Variants in PRAMEF4 observed in about 807,000 individuals in gnomAD.
PRAMEF4 encodes the protein PRAME family member 4.
A neutral mutation model predicts 34.4 loss-of-function variants in PRAMEF4; 18 were observed. That is an observed-to-expected ratio of 0.52 (90% CI 0.36 to 0.78). PRAMEF4 has a LOEUF of 0.78. Among genes scored for constraint, PRAMEF4 ranks in the 30% least tolerant of loss-of-function variants. PRAMEF4 has a pLI of 0.00. For synonymous variants in PRAMEF4, 156 were observed against 219.3 expected (o/e 0.71, Z 2.55); for missense variants, 482 against 569.1 (o/e 0.85, Z 1.56).
Position 12,883,297 on chromosome 1 carries a change from A to G in PRAMEF4, c.98T>C (p.Leu33Pro), listed in dbSNP as rs148417398. The G allele has an allele frequency of 8.8e-6, 14 of 1,599,710 alleles. 1 individual carries two copies. Among genetic ancestry groups the G allele is most frequent in the Non-Finnish European group, 1.1e-5 (13 of 1,173,290 alleles). The change falls in exon 2 of 4, where the codon CTG (leucine) becomes CCG (proline). Residue 33 changes from leucine (L) to proline (P), a missense_variant. By Grantham distance (98) the Leu-to-Pro change is moderately conservative. Transcript: ENST00000235349. ...CAGTGGGGGGAAAAGTTCTGTGGGC[A>G]GCTCCTCCAGGGTGGACATGGCCAA... Reference protein sequence around the residue: ...QALAMSTLEELPTELFPPLFM... With the variant: ...QALAMSTLEEPPTELFPPLFM...
chr1:12,880,824 A>G lies in PRAMEF4; in HGVS notation c.876-719T>C, dbSNP rs982116345. ...CCCTGACATGCCTGTATCATCAGCA[A>G]ACCATCTATCACTTTCACCATTCTT... is the stretch of plus-strand genomic sequence containing the variant. On this transcript the variant is annotated intron_variant, in intron 3 of 3. Transcript: ENST00000235349. Among the ~76,000 whole-genome samples the G allele has an allele frequency of 2.9e-4, 42 of 146,008 alleles. 2 individuals carry two copies. Among genetic ancestry groups the G allele is most frequent in the Non-Finnish European group, 1.2e-4 (8 of 66,634 alleles).
Position 12,884,118 on chromosome 1 carries a change from C to A in PRAMEF4, c.-16-708G>T, listed in dbSNP as rs1191234095. Among the ~76,000 whole-genome samples, 3 of 145,858 alleles carry A rather than the reference C, an allele frequency of 2.1e-5. No individual in the cohort carries two copies. In the South Asian group the frequency reaches 6.7e-4, roughly 32 times the overall value. On this transcript the variant is annotated intron_variant, in intron 1 of 3. Coordinates refer to ENST00000235349, the MANE Select transcript of PRAMEF4 (RefSeq NM_001009611.4). Reference sequence around the variant, plus strand: ...TGACCTCCCAGCTCAAAGGATTCTTCCTCCTCAGCCTCCCAAGTAGCTCGG... The same window carrying A: ...TGACCTCCCAGCTCAAAGGATTCTTACTCCTCAGCCTCCCAAGTAGCTCGG...
At chr1:12,882,502 G>C in intron 2 of PRAMEF4, 67 bp from the exon 3 acceptor site, 1 of 1,563,980 alleles carries the variant, frequency 6.4e-7, no homozygotes, top group South Asian at 1.1e-5. Context: ...TCCACATCCT[G>C]GATAGCAGCT....
In PRAMEF4 at chr1:12,883,012, C is replaced by G; in HGVS notation, c.293+90G>C. ...CTCTCGGCTTCCTCACCACCACCAT[C>G]CCCCTTGGGCCTCCTCACTTCTCAC... On this transcript the variant is annotated intron_variant, in intron 2 of 3. Transcript: ENST00000235349. 3.1e-5 allele frequency: 48 copies of G among 1,546,754 alleles called. 2 individuals are homozygous for G. The highest frequency in any genetic ancestry group is 4.0e-5 in the Non-Finnish European group (46 of 1,138,686).
At chr1:12,884,261 C>A (rs1241875493) in intron 1 of PRAMEF4, among the ~76,000 whole-genome samples, 2 of 148,612 alleles carry the variant, frequency 1.3e-5, no homozygotes, top group African/African-American at 5.0e-5. Context: ...AAGCAATCTA[C>A]CCCTCTTGGC....
intron 3 of PRAMEF4, among the ~76,000 whole-genome samples, chr1:12,880,573 A>T (rs1640868713): frequency 6.7e-6 from 1 of 148,944 alleles, no homozygotes; most frequent in South Asian, 2.2e-4. Context: ...GAGACTCTGT[A>T]TTAAAAAAAA....
chr1:12,880,575 T>TAAA (rs1216641454), intron 3 of PRAMEF4, among the ~76,000 whole-genome samples: 1 of 136,638 alleles, frequency 7.3e-6, no homozygotes, highest in African/African-American at 2.7e-5. Context: ...GACTCTGTAT[T>TAAA]AAAAAAAAAA....
rs757660416 is a variant in PRAMEF4 at position 12,882,012 on chromosome 1, G to A, written c.717C>T (p.Leu239=). 4 of 1,591,440 alleles carry A rather than the reference G, an allele frequency of 2.5e-6. No homozygotes were observed. In the African/African-American group the frequency reaches 5.6e-5, roughly 22 times the overall value. The change falls in exon 3 of 4, where the codon CTC becomes CTT. Residue 239 remains leucine, a synonymous_variant. Transcript: ENST00000235349. ...YLGHMRNLQK[L]ILSHMDVSRY... ...GAGAGACATCCATGTGGGAGAGAAT[G>A]AGTTTCTGAAGATTCCTCATGTGGC...
chr1:12,884,392 C>T (rs1443287850), intron 1 of PRAMEF4, among the ~76,000 whole-genome samples: 2 of 149,604 alleles, frequency 1.3e-5, no homozygotes, highest in African/African-American at 4.9e-5. Flanking sequence ...ATAGATGTTT[C>T]CAATGCACAC....
At chr1:12,881,344 C>T (rs559393522) in intron 3 of PRAMEF4, among the ~76,000 whole-genome samples, 11 of 148,378 alleles carry the variant, frequency 7.4e-5, no homozygotes, top group South Asian at 4.3e-4. Flanking sequence ...GTAGCCTAGA[C>T]GATCAAAGAG....
chr1:12,882,680 T>G (rs1356403485), intron 2 of PRAMEF4, among the ~76,000 whole-genome samples: 1 of 147,758 alleles, frequency 6.8e-6, no homozygotes, highest in African/African-American at 2.5e-5. Context: ...AACCTCTGCT[T>G]CCCAGATTCA....
In PRAMEF4 at chr1:12,882,991, C is replaced by T. The variant is rs543456584; in HGVS notation, c.293+111G>A. On this transcript the variant is annotated intron_variant, in intron 2 of 3. Coordinates refer to ENST00000235349, the MANE Select transcript of PRAMEF4 (RefSeq NM_001009611.4). ...GAGCTGGTGAATGGCCAAGTCCTCT[C>T]GGCTTCCTCACCACCACCATCCCCC... 817 of 1,485,558 alleles carry T rather than the reference C, an allele frequency of 5.5e-4. 52 individuals carry two copies. In the African/African-American group the frequency reaches 9.1e-3, roughly 16 times the overall value. 92.0% of individuals were successfully genotyped at this position (1,485,558 alleles called of 1,614,324 possible). A position where few individuals can be genotyped will look rare whatever the true frequency, so the allele number is the denominator to read the frequency against.
At chr1:12,882,742 C>A (rs1384337244) in intron 2 of PRAMEF4, among the ~76,000 whole-genome samples, 1 of 148,278 alleles carries the variant, frequency 6.7e-6, no homozygotes, top group African/African-American at 2.5e-5. Flanking sequence ...AGGAGCCCAC[C>A]ACCATGCCCA....
At chr1:12,881,742 T>C in intron 3 of PRAMEF4, 112 bp downstream of exon 3, 1 of 1,509,842 alleles carries the variant, frequency 6.6e-7, no homozygotes, top group Non-Finnish European at 9.0e-7. Context: ...GACATTCTAG[T>C]GTCCCCTTCA....
chr1:12,885,846 C>G lies in PRAMEF4; in HGVS notation c.-17+301G>C, dbSNP rs1028497246. Among the ~76,000 whole-genome samples the G allele has an allele frequency of 5.0e-5, 7 of 140,096 alleles. 1 individual carries two copies. Among genetic ancestry groups the G allele is most frequent in the African/African-American group, 1.9e-4 (7 of 36,246 alleles). 91.9% of individuals were successfully genotyped at this position (140,096 alleles called of 152,430 possible). On this transcript the variant is annotated intron_variant, in intron 1 of 3. Coordinates refer to ENST00000235349, the MANE Select transcript of PRAMEF4 (RefSeq NM_001009611.4). ...TTTGTCATGTTGTCCAGGTTGGTCT[C>G]AAATCCCTGGGCTGAAATGATCCTC...
rs867581178 is a variant in PRAMEF4, at chr1:12,881,104, G to A, written c.875+750C>T. 4.1e-5 allele frequency among the ~76,000 whole-genome samples: 6 copies of A among 145,392 alleles called. No homozygotes were observed. In the South Asian group the frequency reaches 6.7e-4, roughly 16 times the overall value. ...TTGTTGGCTGGGCGTGGTAGCTCTCGCCTATAATCCCAGCACTTTGGGAGT... is the reference window on the plus strand; with the variant it reads ...TTGTTGGCTGGGCGTGGTAGCTCTCACCTATAATCCCAGCACTTTGGGAGT... On this transcript the variant is annotated intron_variant, in intron 3 of 3. Transcript: ENST00000235349.
chr1:12,883,168 C>G lies in PRAMEF4; in HGVS notation c.227G>C (p.Cys76Ser). Reference sequence around the variant, plus strand: ...GAGCACAGCTTGGAAGGCCTCCAGACAAGGCATCTTTATCAGAGGCCTCAG... The same window carrying G: ...GAGCACAGCTTGGAAGGCCTCCAGAGAAGGCATCTTTATCAGAGGCCTCAG... ...LPLRPLIKMPCLEAFQAVLDG... is the reference protein window; with the variant it reads ...LPLRPLIKMPSLEAFQAVLDG... The change falls in exon 2 of 4, where the codon TGT (cysteine) becomes TCT (serine). Residue 76 changes from cysteine to serine, a missense_variant. Coordinates refer to ENST00000235349, the MANE Select transcript of PRAMEF4 (RefSeq NM_001009611.4). The G allele has an allele frequency of 2.5e-6, 4 of 1,601,500 alleles. No homozygotes were observed. The highest frequency in any genetic ancestry group is 3.4e-6 in the Non-Finnish European group (4 of 1,174,192).
rs1429157247 is a variant in PRAMEF4, at chr1:12,879,695, C to T, written c.1286G>A (p.Cys429Tyr). ...RESYGADGTLCWSRFAQIRAE... is the reference protein window; with the variant it reads ...RESYGADGTLYWSRFAQIRAE... ...CCTAATTTGAGCAAATCTGCTCCAGCAGAGAGTACCATCAGCACCATAACT... is the reference window on the plus strand; with the variant it reads ...CCTAATTTGAGCAAATCTGCTCCAGTAGAGAGTACCATCAGCACCATAACT... Residue 429 changes from cysteine (C) to tyrosine (Y), a missense_variant, in exon 4 of 4, where the codon TGC becomes TAC. Around this residue, in one of 6 missense-constraint regions of PRAMEF4, gnomAD observed 116 missense variants for 105.2 expected, o/e 1.10. Transcript: ENST00000235349. 5 of 1,601,878 alleles carry T rather than the reference C, an allele frequency of 3.1e-6. 1 individual carries two copies. In the South Asian group the frequency reaches 4.4e-5, roughly 14 times the overall value.
In PRAMEF4 at chr1:12,879,239, G is replaced by T. The variant is rs1478700454; in HGVS notation, c.*305C>A. 5 of 397,550 alleles carry T rather than the reference G, an allele frequency of 1.3e-5. No individual in the cohort carries two copies. In the African/African-American group the frequency reaches 1.5e-4, roughly 12 times the overall value. The allele number at this position is 397,550 out of a possible 1,614,324, so 24.6% of individuals were successfully genotyped here. On this transcript the variant is annotated 3_prime_UTR_variant, in exon 4 of 4. Transcript: ENST00000235349. ...GCTCAGTTTTCCTTTATTTCTGATT[G>T]TTTCTTTACAACCATCCATGCAAGA...
Sources: allele counts gnomAD v4.1 joint callset (sites outside exome capture counted in the v4.1 genomes callset), GRCh38; gene constraint gnomAD v4.1.1; regional missense constraint gnomAD v4.1.1; transcripts MANE v1.5; gene names NCBI Gene and HGNC (gene_info 2026-07-23, HGNC 2026-07-21).